The following SRPK2 variants were observed in gnomAD, a reference collection of about 807,000 sequenced individuals.
The protein encoded by SRPK2 is SFRS protein kinase 2.
A neutral mutation model predicts 90.8 loss-of-function variants in SRPK2; 21 were observed. The ratio of observed to expected loss-of-function variants is 0.23; its 90% confidence interval spans 0.16 to 0.33. The LOEUF is 0.33. Ranked by LOEUF, SRPK2 falls within the 10% of genes least tolerant of loss-of-function variation. The pLI, the probability that SRPK2 is intolerant of heterozygous loss-of-function variation, is 1.00. For missense variants in SRPK2, 620 were observed against 869.0 expected (o/e 0.71, Z 3.60); for synonymous variants, 288 against 311.1 (o/e 0.93, Z 0.78).
intron 5 of SRPK2, 112 bp from the exon 6 acceptor site, chr7:105,167,576 T>C (rs1209130174): frequency 3.6e-6 from 2 of 560,804 alleles, no homozygotes; most frequent in Admixed American, 7.0e-5. Context: ...AAAAAATTCA[T>C]CACAAAGTTA....
At position 105,203,638 on chromosome 7, in the gene SRPK2, G is replaced by C. The variant is rs1248107190; in HGVS notation, c.219C>G (p.Asp73Glu). The change falls in exon 3 of 16, where the codon GAC (aspartate) becomes GAG (glutamate). Residue 73 changes from aspartate to glutamate, a missense_variant. Around this residue, in one of 8 missense-constraint regions of SRPK2, gnomAD observed 196 missense variants for 339.2 expected, o/e 0.58. Coordinates refer to ENST00000393651, the MANE Select transcript of SRPK2 (RefSeq NM_182692.3). ...TGCTTGGCACATCACCTTTGCAGTA[G>C]TCCGCAGGGTCCTCTTGCTCCTCAT... ...SDDEEQEDPA[D>E]YCKGGYHPVK... 6.6e-7 allele frequency: 1 copy of C among 1,519,934 alleles called. No homozygotes were observed. Among genetic ancestry groups the C allele is most frequent in the African/African-American group, 1.4e-5 (1 of 70,450 alleles). 94.2% of individuals were successfully genotyped at this position (1,519,934 alleles called of 1,614,324 possible). A position where few individuals can be genotyped will look rare whatever the true frequency, so the allele number is the denominator to read the frequency against.
chr7:105,266,197 T>C (rs780807275), intron 2 of SRPK2, among the ~76,000 whole-genome samples: 1 of 152,118 alleles, frequency 6.6e-6, no homozygotes, highest in Non-Finnish European at 1.5e-5. Flanking sequence ...TCAAATCGTA[T>C]GTATATTTTT....
intron 3 of SRPK2, among the ~76,000 whole-genome samples, chr7:105,171,884 GTTATTTAT>G (rs377065934): frequency 6.6e-6 from 1 of 151,966 alleles, no homozygotes; most frequent in Admixed American, 6.6e-5. Flanking sequence ...TTATAATACA[GTTATTTAT>G]TTATTTATTT....
intron 2 of SRPK2, among the ~76,000 whole-genome samples, chr7:105,287,085 C>A (rs1211941932): frequency 1.3e-5 from 2 of 150,682 alleles, no homozygotes; most frequent in African/African-American, 2.4e-5. Flanking sequence ...AACGGTGAAA[C>A]CCCGTCTCTA....
At chr7:105,253,444 A>G (rs1346624268) in intron 2 of SRPK2, among the ~76,000 whole-genome samples, 2 of 152,216 alleles carry the variant, frequency 1.3e-5, no homozygotes, top group Non-Finnish European at 2.9e-5. Flanking sequence ...CTTGGTAAAC[A>G]TCAGCATAAA....
At chr7:105,377,531 G>GAA (rs577025613) in intron 2 of SRPK2, among the ~76,000 whole-genome samples, 2 of 145,830 alleles carry the variant, frequency 1.4e-5, no homozygotes, top group Non-Finnish European at 3.0e-5. Context: ...CATCTCAACT[G>GAA]AAAAAAAAAA....
chr7:105,236,289 C>T (rs1416618231), intron 2 of SRPK2, among the ~76,000 whole-genome samples: 2 of 152,188 alleles, frequency 1.3e-5, no homozygotes, highest in Middle Eastern at 3.2e-3. Flanking sequence ...ATATCACTGA[C>T]AGCATTATGG....
At chr7:105,129,466 C>G (rs1384864858) in intron 13 of SRPK2, among the ~76,000 whole-genome samples, 1 of 152,172 alleles carries the variant, frequency 6.6e-6, no homozygotes, top group Non-Finnish European at 1.5e-5. Flanking sequence ...CCTCTGCCTC[C>G]TGGGTTCAAG....
intron 2 of SRPK2, among the ~76,000 whole-genome samples, chr7:105,267,942 C>G (rs1287896810): frequency 1.3e-5 from 2 of 151,836 alleles, no homozygotes; most frequent in African/African-American, 2.4e-5. Context: ...ATTAGGTAAC[C>G]AAGAGAAAGG....
At chr7:105,376,173 T>C (rs561870409) in intron 2 of SRPK2, among the ~76,000 whole-genome samples, 1 of 151,590 alleles carries the variant, frequency 6.6e-6, no homozygotes, top group East Asian at 1.9e-4. Context: ...TTTTTGTATT[T>C]TGTTTAGTAG....
At chr7:105,281,499 C>T (rs1481205423) in intron 2 of SRPK2, among the ~76,000 whole-genome samples, 5 of 152,104 alleles carry the variant, frequency 3.3e-5, no homozygotes, top group Non-Finnish European at 7.3e-5. Context: ...AAGACTCCAG[C>T]GCTACCCACC....
At chr7:105,259,663 G>C (rs1039214809) in intron 2 of SRPK2, among the ~76,000 whole-genome samples, 2 of 152,194 alleles carry the variant, frequency 1.3e-5, no homozygotes, top group Non-Finnish European at 2.9e-5. Context: ...AACCAAAACA[G>C]CATGGTACTG....
chr7:105,282,913 T>C (rs1807535036), intron 2 of SRPK2, among the ~76,000 whole-genome samples: 1 of 147,636 alleles, frequency 6.8e-6, no homozygotes, highest in Non-Finnish European at 1.5e-5. Context: ...AAAACTAGCA[T>C]CCAGAATATA....
At chr7:105,246,293 C>A (rs1384703275) in intron 2 of SRPK2, among the ~76,000 whole-genome samples, 3 of 152,132 alleles carry the variant, frequency 2.0e-5, no homozygotes, top group African/African-American at 7.2e-5. Context: ...CTCCCCCTCA[C>A]CCTGCAACAT....
intron 2 of SRPK2, among the ~76,000 whole-genome samples, chr7:105,354,118 G>T (rs1032245011): frequency 6.6e-6 from 1 of 152,192 alleles, no homozygotes; most frequent in Non-Finnish European, 1.5e-5. Context: ...TGTGGAGCAA[G>T]AATGTGCCAA....
At chr7:105,188,731 T>A (rs1793901126) in intron 3 of SRPK2, among the ~76,000 whole-genome samples, 1 of 152,188 alleles carries the variant, frequency 6.6e-6, no homozygotes, top group Non-Finnish European at 1.5e-5. Context: ...ACTCTAAGAA[T>A]ACAGTCCATT....
At position 105,166,089 on chromosome 7, in the gene SRPK2, A is replaced by ACCTTT. The variant is rs1256158110; in HGVS notation, c.514+1287_514+1288insAAAGG. On this transcript the variant is annotated intron_variant, in intron 6 of 15. Coordinates refer to ENST00000393651, the MANE Select transcript of SRPK2 (RefSeq NM_182692.3). Reference sequence around the variant, plus strand: ...AAGGCCATCCATCCTTTTAAAAAACATGAGAAACACCTACACTTATAGCTG... The same window carrying ACCTTT: ...AAGGCCATCCATCCTTTTAAAAAACACCTTTTGAGAAACACCTACACTTATAGCTG... Among the ~76,000 whole-genome samples, 23 of 152,356 alleles carry ACCTTT rather than the reference A, an allele frequency of 1.5e-4. 2 individuals carry two copies. The highest frequency in any genetic ancestry group is 5.0e-4 in the African/African-American group (21 of 41,588).
At chr7:105,355,333 G>A (rs1384744688) in intron 2 of SRPK2, among the ~76,000 whole-genome samples, 2 of 147,360 alleles carry the variant, frequency 1.4e-5, no homozygotes, top group Non-Finnish European at 3.0e-5. Flanking sequence ...TCATCTCTAC[G>A]AAAAAAAAAA....
At chr7:105,304,646 C>A (rs1810952524) in intron 2 of SRPK2, among the ~76,000 whole-genome samples, 1 of 152,170 alleles carries the variant, frequency 6.6e-6, no homozygotes, top group Non-Finnish European at 1.5e-5. Flanking sequence ...CTTAACTGTT[C>A]ATTTCCCATT....
Sources: gnomAD v4.1 joint callset for allele counts (sites outside exome capture counted in the v4.1 genomes callset) on GRCh38, gnomAD v4.1.1 for gene constraint, gnomAD v4.1.1 regional missense constraint, MANE v1.5 for transcripts, NCBI Gene and HGNC (gene_info 2026-07-23, HGNC 2026-07-21) for gene names.